The following NKAIN2 variants were observed in gnomAD, a reference collection of about 807,000 sequenced individuals.
NKAIN2 encodes sodium/potassium-transporting ATPase subunit beta-1-interacting protein 2.
A neutral mutation model predicts 32.6 loss-of-function variants in NKAIN2; 14 were observed. The observed-to-expected ratio is 0.43, with a 90% CI of 0.28 to 0.67. NKAIN2 has a LOEUF of 0.67. Among genes scored for constraint, NKAIN2 ranks in the 30% least tolerant of loss-of-function variants. The pLI is 0.17. For synonymous variants in NKAIN2, 80 were observed against 87.2 expected, an observed-to-expected ratio of 0.92 and a Z score of 0.46; for missense variants, 198 against 258.3, an observed-to-expected ratio of 0.77 and a Z score of 1.60.
chr6:124,799,703 T>C (rs940698659), intron 5 of NKAIN2, among the ~76,000 whole-genome samples: 7 of 152,146 alleles, frequency 4.6e-5, no homozygotes, highest in Non-Finnish European at 1.0e-4. Context: ...GCAGGGTAAG[T>C]TGAAGTTATC....
In NKAIN2 at chr6:124,330,536, G is replaced by T. The variant is rs1047562710; in HGVS notation, c.193-24731G>T. On this transcript the variant is annotated intron_variant, in intron 2 of 6. Coordinates refer to ENST00000368417, the MANE Select transcript of NKAIN2 (RefSeq NM_001040214.3). ...CACATCAACCAGTCATGACATGAAG[G>T]CTGCACCTGAAGGAGTGCATAACCA... 2.6e-5 allele frequency among the ~76,000 whole-genome samples: 4 copies of T among 152,188 alleles called. No individual in the cohort carries two copies. The East Asian group carries it at 5.8e-4, about 22-fold the overall frequency.
intron 3 of NKAIN2, among the ~76,000 whole-genome samples, chr6:124,614,085 T>A (rs1485906880): frequency 6.6e-6 from 1 of 152,118 alleles, no homozygotes; most frequent in Non-Finnish European, 1.5e-5. Flanking sequence ...TTTTTTCTCC[T>A]CTCTTATTTT....
chr6:124,010,798 T>C (rs1780289520), intron 1 of NKAIN2, among the ~76,000 whole-genome samples: 1 of 152,138 alleles, frequency 6.6e-6, no homozygotes, highest in African/African-American at 2.4e-5. Flanking sequence ...ACATTTACTA[T>C]CTTATGATTC....
rs566623404 is a variant in NKAIN2 at position 124,348,986 on chromosome 6, C to T, written c.193-6281C>T. Among the ~76,000 whole-genome samples, 4 of 152,226 alleles carry T rather than the reference C, an allele frequency of 2.6e-5. No individual in the cohort carries two copies. In the East Asian group the frequency reaches 7.7e-4, roughly 29 times the overall value. On this transcript the variant is annotated intron_variant, in intron 2 of 6. Coordinates refer to ENST00000368417, the MANE Select transcript of NKAIN2 (RefSeq NM_001040214.3). The stretch of plus-strand genomic sequence containing the variant: ...GGAGGGTCCTATGCCCAGGGAGTCT[C>T]GCTGATTGCTAGCAGTTGTTTTTAA...
intron 2 of NKAIN2, among the ~76,000 whole-genome samples, chr6:124,328,455 G>A (rs1020146573): frequency 2.0e-5 from 3 of 152,098 alleles, no homozygotes; most frequent in Non-Finnish European, 4.4e-5. Context: ...AGAAATTCAG[G>A]GGTCTTTCTC....
At chr6:124,779,823 C>G (rs1384795926) in intron 4 of NKAIN2, among the ~76,000 whole-genome samples, 1 of 152,094 alleles carries the variant, frequency 6.6e-6, no homozygotes, top group Non-Finnish European at 1.5e-5. Flanking sequence ...CATGAGTGAG[C>G]CCAACCAAAT....
At chr6:124,569,887 G>A (rs912783539) in intron 3 of NKAIN2, among the ~76,000 whole-genome samples, 4 of 152,170 alleles carry the variant, frequency 2.6e-5, no homozygotes, top group Admixed American at 1.3e-4. Context: ...GGAGGACTCA[G>A]AAGAAGACAA....
At chr6:123,841,130 A>G (rs1774850436) in intron 1 of NKAIN2, among the ~76,000 whole-genome samples, 1 of 152,162 alleles carries the variant, frequency 6.6e-6, no homozygotes, top group African/African-American at 2.4e-5. Flanking sequence ...CCTAGTCTAG[A>G]AAGTGTGAAT....
At chr6:124,379,753 G>A (rs1772542496) in intron 3 of NKAIN2, among the ~76,000 whole-genome samples, 1 of 152,120 alleles carries the variant, frequency 6.6e-6, no homozygotes, top group African/African-American at 2.4e-5. Flanking sequence ...GAACTATGAT[G>A]TCATTTGCAC....
chr6:123,915,324 G>A (rs1486787164), intron 1 of NKAIN2, among the ~76,000 whole-genome samples: 1 of 151,876 alleles, frequency 6.6e-6, no homozygotes, highest in African/African-American at 2.4e-5. Context: ...TTCCATTTTG[G>A]CACCATTTCT....
chr6:124,628,475 C>T (rs1354101282), intron 3 of NKAIN2, among the ~76,000 whole-genome samples: 1 of 151,970 alleles, frequency 6.6e-6, no homozygotes, highest in East Asian at 1.9e-4. Flanking sequence ...TTTCAGGTTC[C>T]AAGCAATGGA....
intron 1 of NKAIN2, among the ~76,000 whole-genome samples, chr6:124,070,346 T>G (rs1783394045): frequency 6.6e-6 from 1 of 152,206 alleles, no homozygotes; most frequent in Admixed American, 6.6e-5. Flanking sequence ...TGCACTGACT[T>G]CCAACCTACC....
At chr6:124,529,421 A>C (rs1055137341) in intron 3 of NKAIN2, among the ~76,000 whole-genome samples, 1 of 152,184 alleles carries the variant, frequency 6.6e-6, no homozygotes, top group African/African-American at 2.4e-5. Flanking sequence ...AACAAAAACC[A>C]GCTTCTCTTT....
chr6:124,034,391 G>T (rs1471801412), intron 1 of NKAIN2, among the ~76,000 whole-genome samples: 1 of 152,000 alleles, frequency 6.6e-6, no homozygotes, highest in Non-Finnish European at 1.5e-5. Flanking sequence ...CTGCTTCAGT[G>T]ATAATTCACT....
Position 124,369,880 on chromosome 6 carries a change from A to ATTTTTTTTTTTTTTTTTTT in NKAIN2, c.273+14551_273+14552insTTTTTTTTTTTTTTTTTTT, listed in dbSNP as rs61588781. On this transcript the variant is annotated intron_variant, in intron 3 of 6. Coordinates refer to ENST00000368417, the MANE Select transcript of NKAIN2 (RefSeq NM_001040214.3). ...ATTTGCTTTAGAGGGCAGAATGTCAATTTTTTTTTTTTTTTTTTAACCTGT... is the reference window on the plus strand; with the variant it reads ...ATTTGCTTTAGAGGGCAGAATGTCAATTTTTTTTTTTTTTTTTTTTTTTTTTTTTTTTTTTTTAACCTGT... 1.6e-4 allele frequency among the ~76,000 whole-genome samples: 13 copies of ATTTTTTTTTTTTTTTTTTT among 82,368 alleles called. 2 individuals carry two copies. The highest frequency in any genetic ancestry group is 5.1e-4 in the African/African-American group (9 of 17,516). The allele number at this position is 82,368 out of a possible 152,430, so 54.0% of individuals were successfully genotyped here. A position where few individuals can be genotyped will look rare whatever the true frequency, so the allele number is the denominator to read the frequency against.
chr6:123,987,597 G>A (rs78378357), intron 1 of NKAIN2, among the ~76,000 whole-genome samples: 447 of 152,306 alleles, frequency 2.9e-3, no homozygotes, highest in Non-Finnish European at 5.2e-3. Flanking sequence ...CTGAGCTCAT[G>A]TGATTGTAGC....
intron 2 of NKAIN2, among the ~76,000 whole-genome samples, chr6:124,319,950 T>G (rs1408671545): frequency 1.3e-5 from 2 of 152,126 alleles, no homozygotes; most frequent in East Asian, 3.9e-4. Flanking sequence ...AGCCACAGTT[T>G]TAAAAATGGG....
chr6:124,712,097 C>T (rs1237144730), intron 4 of NKAIN2, among the ~76,000 whole-genome samples: 4 of 151,434 alleles, frequency 2.6e-5, no homozygotes. Context: ...TCAGTGTGCC[C>T]CTGCTGGGGG....
At chr6:124,406,228 G>A (rs529674827) in intron 3 of NKAIN2, among the ~76,000 whole-genome samples, 1 of 151,906 alleles carries the variant, frequency 6.6e-6, no homozygotes, top group South Asian at 2.1e-4. Context: ...CTTCACTTCT[G>A]TCCTCCCCAT....
Sources: allele counts gnomAD v4.1 joint callset (sites outside exome capture counted in the v4.1 genomes callset), GRCh38; gene constraint gnomAD v4.1.1; transcripts MANE v1.5; gene names NCBI Gene and HGNC (gene_info 2026-07-23, HGNC 2026-07-21).